Variants in ATF7 observed in about 807,000 individuals in gnomAD.
ATF7 encodes cyclic AMP-dependent transcription factor ATF-7.
In ATF7, 10 loss-of-function variants were observed where a neutral mutation model predicts 50.4. The ratio of observed to expected loss-of-function variants is 0.20; its 90% CI spans 0.12 to 0.34. The LOEUF is 0.34. Among genes scored for constraint, ATF7 ranks in the 10% least tolerant of loss-of-function variants. The pLI, the probability that ATF7 is intolerant of heterozygous loss-of-function variation, is 1.00. For synonymous variants in ATF7, 201 were observed against 226.4 expected (o/e 0.89, Z 1.01); for missense variants, 465 against 613.9 (o/e 0.76, Z 2.56).
chr12:53,523,172 C>A, intron 11 of ATF7, 104 bp downstream of exon 11: 1 of 882,206 alleles, frequency 1.1e-6, no homozygotes. Context: ...AGCGTGGGGT[C>A]CCCAGAACAT....
intron 11 of ATF7, among the ~76,000 whole-genome samples, chr12:53,520,970 C>G (rs1430493686): frequency 6.6e-6 from 1 of 151,844 alleles, no homozygotes. Context: ...CCCTGATGTC[C>G]TGTTCAAATG....
rs375306043 is a variant in ATF7 at position 53,525,065 on chromosome 12, G to A, written c.928-304C>T. 10 of 267,216 alleles carry A rather than the reference G, an allele frequency of 3.7e-5. No homozygotes were observed. In the South Asian group the frequency reaches 6.1e-4, roughly 16 times the overall value. The allele number at this position is 267,216 out of a possible 1,614,324, so 16.6% of individuals were successfully genotyped here. A position where few individuals can be genotyped will look rare whatever the true frequency, so the allele number is the denominator to read the frequency against. ...GTTACTTTTTGTTTCTTAACAATAC[G>A]GAATCTTGACCGGCACAGTGGCTCG... On this transcript the variant is annotated intron_variant, in intron 9 of 11. Coordinates refer to ENST00000420353, the MANE Select transcript of ATF7 (RefSeq NM_006856.3).
downstream of ATF7, among the ~76,000 whole-genome samples, chr12:53,510,844 G>T (rs1403113852): frequency 6.6e-6 from 1 of 152,214 alleles, no homozygotes; most frequent in East Asian, 1.9e-4. Context: ...AGTTTTCAGA[G>T]TGCAGCTTCA....
intron 2 of ATF7, among the ~76,000 whole-genome samples, chr12:53,566,479 C>T (rs1465440496): frequency 6.6e-6 from 1 of 152,096 alleles, no homozygotes; most frequent in Admixed American, 6.6e-5. Flanking sequence ...TGAAATCCAC[C>T]GTGGTGGGGG....
At position 53,528,818 on chromosome 12, in the gene ATF7, A is replaced by G. The variant is rs1380454300; in HGVS notation, c.927+2926T>C. ...GAAAAGAAAAAATTAGTTCTTTAGGAGAATAGGGGAAAGGAAAGGTTCCTA... is the reference window on the plus strand; with the variant it reads ...GAAAAGAAAAAATTAGTTCTTTAGGGGAATAGGGGAAAGGAAAGGTTCCTA... On this transcript the variant is annotated intron_variant, in intron 9 of 11. Coordinates refer to ENST00000420353, the MANE Select transcript of ATF7 (RefSeq NM_006856.3). Among the ~76,000 whole-genome samples the G allele has an allele frequency of 2.0e-5, 3 of 152,224 alleles. No homozygotes were observed. The East Asian group carries it at 5.8e-4, about 29-fold the overall frequency.
At position 53,542,111 on chromosome 12, in the gene ATF7, T is replaced by TTTTTTTTTTTG. The variant is rs1223563706; in HGVS notation, c.264+1218_264+1219insCAAAAAAAAAA. Among the ~76,000 whole-genome samples, 4 of 144,858 alleles carry TTTTTTTTTTTG rather than the reference T, an allele frequency of 2.8e-5. No individual in the cohort carries two copies. In the East Asian group the frequency reaches 6.6e-4, roughly 24 times the overall value. ...GTGAGCCACTGCGCCTGGCCTGTTT[T>TTTTTTTTTTTG]TTTTTTTTTTTTTTTAAGAGATAGG... On this transcript the variant is annotated intron_variant, in intron 4 of 11. Coordinates refer to ENST00000420353, the MANE Select transcript of ATF7 (RefSeq NM_006856.3).
intron 2 of ATF7, among the ~76,000 whole-genome samples, chr12:53,578,361 T>G (rs1030250107): frequency 2.3e-5 from 2 of 87,492 alleles, no homozygotes; most frequent in Non-Finnish European, 5.0e-5. Flanking sequence ...CAGTGAGATC[T>G]TCTCTCAAAA....
intron 2 of ATF7, among the ~76,000 whole-genome samples, chr12:53,593,577 T>C (rs1943034897): frequency 6.6e-6 from 1 of 152,232 alleles, no homozygotes; most frequent in Admixed American, 6.5e-5. Context: ...TCTTTTCCTT[T>C]CTAAATGGCC....
intron 2 of ATF7, among the ~76,000 whole-genome samples, chr12:53,568,481 C>T (rs1049977264): frequency 2.6e-5 from 4 of 152,130 alleles, no homozygotes; most frequent in African/African-American, 9.7e-5. Flanking sequence ...TTGTTTTAAA[C>T]AAGCTATCAA....
intron 3 of ATF7, among the ~76,000 whole-genome samples, chr12:53,551,992 C>T (rs1309530280): frequency 6.6e-6 from 1 of 152,144 alleles, no homozygotes; most frequent in African/African-American, 2.4e-5. Flanking sequence ...TGAGAGGTTC[C>T]AGGTCACCCA....
At chr12:53,531,708 C>T (rs1363138328) in intron 9 of ATF7, 36 bp downstream of exon 9, 1 of 1,578,978 alleles carries the variant, frequency 6.3e-7, no homozygotes, top group African/African-American at 1.3e-5. Flanking sequence ...AAAGATACGT[C>T]ATAAAGATAT....
At chr12:53,554,914 G>C (rs1940625309) in intron 2 of ATF7, among the ~76,000 whole-genome samples, 1 of 142,278 alleles carries the variant, frequency 7.0e-6, no homozygotes, top group Non-Finnish European at 1.5e-5. Flanking sequence ...AGTGGTTTCT[G>C]ATTGATCTAG....
rs796404325 is a variant in ATF7, at chr12:53,529,710, TAC to T, written c.927+2032_927+2033del. Among the ~76,000 whole-genome samples, 89 of 132,172 alleles carry T rather than the reference TAC, an allele frequency of 6.7e-4. No individual in the cohort carries two copies. The South Asian group carries it at 0.015, about 23-fold the overall frequency. 86.7% of individuals were successfully genotyped at this position (132,172 alleles called of 152,430 possible). A position where few individuals can be genotyped will look rare whatever the true frequency, so the allele number is the denominator to read the frequency against. ...ATATAAATACATATATATATACACA[TAC>T]ACACACACACACACACACACACATA... On this transcript the variant is annotated intron_variant, in intron 9 of 11. Transcript: ENST00000420353.
At chr12:53,564,740 T>C (rs988745368) in intron 2 of ATF7, among the ~76,000 whole-genome samples, 1 of 152,246 alleles carries the variant, frequency 6.6e-6, no homozygotes, top group Non-Finnish European at 1.5e-5. Flanking sequence ...ATCGTTATGA[T>C]CTGGGTTTAA....
intron 11 of ATF7, among the ~76,000 whole-genome samples, chr12:53,522,423 G>C (rs1434312737): frequency 6.6e-6 from 1 of 152,066 alleles, no homozygotes; most frequent in Non-Finnish European, 1.5e-5. Context: ...GCCAGGCATG[G>C]TGGCTGGTGC....
At chr12:53,556,472 A>C (rs1480547530) in intron 2 of ATF7, among the ~76,000 whole-genome samples, 4 of 152,126 alleles carry the variant, frequency 2.6e-5, no homozygotes, top group Admixed American at 1.3e-4. Flanking sequence ...AGTTTACTGA[A>C]GCTTTCTGTC....
intron 11 of ATF7, among the ~76,000 whole-genome samples, chr12:53,520,320 T>C (rs1938036704): frequency 1.3e-5 from 2 of 152,086 alleles, no homozygotes; most frequent in South Asian, 4.2e-4. Context: ...CTCACACATG[T>C]AATTCCAGCA....
intron 2 of ATF7, among the ~76,000 whole-genome samples, chr12:53,583,516 T>G (rs1213725211): frequency 6.6e-6 from 1 of 151,930 alleles, no homozygotes; most frequent in African/African-American, 2.4e-5. Flanking sequence ...ATAAATAAAG[T>G]ACACAATAAA....
At chr12:53,597,192 T>G (rs952338498) in intron 2 of ATF7, among the ~76,000 whole-genome samples, 2 of 152,210 alleles carry the variant, frequency 1.3e-5, no homozygotes, top group African/African-American at 4.8e-5. Context: ...CAGCGTTTTT[T>G]TTTTAAGCAC....
Sources: gnomAD v4.1 joint callset for allele counts (sites outside exome capture counted in the v4.1 genomes callset) on GRCh38, gnomAD v4.1.1 for gene constraint, MANE v1.5 for transcripts, NCBI Gene and HGNC (gene_info 2026-07-23, HGNC 2026-07-21) for gene names.